Variants in ABL2 observed in about 807,000 individuals in gnomAD.
The protein encoded by ABL2 is tyrosine-protein kinase ABL2.
A neutral mutation model predicts 107.7 loss-of-function variants in ABL2; 49 were observed. That is an observed-to-expected ratio of 0.45 (90% CI 0.36 to 0.58). ABL2 has a LOEUF of 0.58. Ranked by LOEUF, ABL2 falls within the 20% of genes least tolerant of loss-of-function variation. The probability of loss-of-function intolerance (pLI) is 0.00; values close to 1 mark genes in which losing one functional copy is unlikely to be tolerated. For synonymous variants in ABL2, 549 were observed against 548.6 expected (o/e 1.00, Z -0.01); for missense variants, 1,245 against 1,457.0 (o/e 0.85, Z 2.37).
intron 1 of ABL2, chr1:179,201,999 G>A (rs548262992): frequency 3.0e-5 from 27 of 887,394 alleles, no homozygotes; most frequent in South Asian, 4.4e-5. Context: ...AGAGGAGAGG[G>A]AAGGGAGCCA....
Position 179,146,069 on chromosome 1 carries a change from A to AT in ABL2, c.158-12696dup, listed in dbSNP as rs1305366214. Among the ~76,000 whole-genome samples the AT allele has an allele frequency of 3.3e-5, 5 of 152,060 alleles. No individual in the cohort carries two copies. In the East Asian group the frequency reaches 9.7e-4, roughly 29 times the overall value. ...ACCACCATGCCTGGCTAATTTTTGTATTTTTAGTAGAGATGGGGTTTTGCC... is the reference window on the plus strand; with the variant it reads ...ACCACCATGCCTGGCTAATTTTTGTATTTTTTAGTAGAGATGGGGTTTTGCC... On this transcript the variant is annotated intron_variant, in intron 1 of 11. Transcript: ENST00000502732.
At chr1:179,196,982 T>C (rs958053583) in intron 1 of ABL2, among the ~76,000 whole-genome samples, 1 of 152,174 alleles carries the variant, frequency 6.6e-6, no homozygotes, top group Non-Finnish European at 1.5e-5. Context: ...CAGCTAAAGA[T>C]GACTGTGAAT....
At chr1:179,229,205 C>CCCCCCCCCCCCCCCCCCA in intron 1 of ABL2, 36 bp downstream of exon 1, 2 of 1,461,772 alleles carry the variant, frequency 1.4e-6, no homozygotes, top group East Asian at 2.8e-5. Context: ...CCCCGGCCTC[C>CCCCCCCCCCCCCCCCCCA]CCCACGCTCT....
intron 10 of ABL2, chr1:179,110,788 G>T (rs1473932792): frequency 4.3e-6 from 7 of 1,613,822 alleles, no homozygotes; most frequent in Non-Finnish European, 5.9e-6. Context: ...GCATCATCCT[G>T]CTCTGTGTCT....
rs189941383 is a variant in ABL2, at chr1:179,182,116, C to G, written c.157+47125G>C. ...CCAGCCTATCTTCAAACTATCTTTT[C>G]ACTGTTTCTCACCCTGTGAAGTCCT... On this transcript the variant is annotated intron_variant, in intron 1 of 11. Coordinates refer to ENST00000502732, the MANE Select transcript of ABL2 (RefSeq NM_007314.4). Among the ~76,000 whole-genome samples, 714 of 151,914 alleles carry G rather than the reference C, an allele frequency of 4.7e-3. 5 individuals are homozygous for G. The highest frequency in any genetic ancestry group is 0.016 in the African/African-American group (674 of 41,444).
In ABL2 at chr1:179,100,322, T is replaced by G. The variant is rs1367106319; in HGVS notation, c.*7396A>C. ...TGGCGTTCTTGCCACTCACAATACC[T>G]GGTATGGTACTTCTGAACTGTGCAG... On this transcript the variant is annotated 3_prime_UTR_variant, in exon 12 of 12. Coordinates refer to ENST00000502732, the MANE Select transcript of ABL2 (RefSeq NM_007314.4). 4.4e-6 allele frequency: 1 copy of G among 228,094 alleles called. No homozygotes were observed. The highest frequency in any genetic ancestry group is 8.7e-6 in the Non-Finnish European group (1 of 114,892). 14.1% of individuals were successfully genotyped at this position (228,094 alleles called of 1,614,324 possible).
intron 5 of ABL2, among the ~76,000 whole-genome samples, chr1:179,121,018 A>G (rs995488334): frequency 1.1e-4 from 6 of 56,282 alleles, no homozygotes; most frequent in African/African-American, 4.9e-4. Flanking sequence ...AGAACTGACT[A>G]CTACTTAATA....
chr1:179,160,708 T>C (rs1659010215), intron 1 of ABL2, among the ~76,000 whole-genome samples: 1 of 152,204 alleles, frequency 6.6e-6, no homozygotes, highest in African/African-American at 2.4e-5. Context: ...GTACCATATA[T>C]GACAATTCAT....
chr1:179,195,673 TA>T (rs1237865816), intron 1 of ABL2, among the ~76,000 whole-genome samples: 1 of 152,112 alleles, frequency 6.6e-6, no homozygotes, highest in African/African-American at 2.4e-5. Context: ...ATGGGCTACA[TA>T]CACACCATTA....
Position 179,109,162 on chromosome 1 carries a change from G to A in ABL2, c.2105C>T (p.Ser702Phe), listed in dbSNP as rs1321779506. Residue 702 changes from serine to phenylalanine, a missense_variant, in exon 12 of 12, where the codon TCT becomes TTT. Physicochemically the swap from Ser to Phe is radical, Grantham distance 155. Transcript: ENST00000502732. ...CGCCTCTTGCTGGGCAGGAGTGAAA[G>A]AGAACCCATCAGCATGCTGTAGAGA... ...VASLQHADGFSFTPAQQEANL... is the reference protein window; with the variant it reads ...VASLQHADGFFFTPAQQEANL... 1 of 1,613,490 alleles carries A rather than the reference G, an allele frequency of 6.2e-7. No homozygotes were observed. The highest frequency in any genetic ancestry group is 8.5e-7 in the Non-Finnish European group (1 of 1,179,976).
Position 179,154,034 on chromosome 1 carries a change from T to TA in ABL2, c.158-20661_158-20660insT, listed in dbSNP as rs200874365. Among the ~76,000 whole-genome samples the TA allele has an allele frequency of 1.4e-4, 22 of 152,308 alleles. No individual in the cohort carries two copies. In the East Asian group the frequency reaches 3.9e-3, roughly 27 times the overall value. ...CCTCTTTCTTCCCTAATTCACTCTA[T>TA]GAGTATATCCTATGAATCATACCTC... On this transcript the variant is annotated intron_variant, in intron 1 of 11. Coordinates refer to ENST00000502732, the MANE Select transcript of ABL2 (RefSeq NM_007314.4).
chr1:179,149,415 C>T (rs1368180939), intron 1 of ABL2, among the ~76,000 whole-genome samples: 1 of 152,232 alleles, frequency 6.6e-6, no homozygotes, highest in East Asian at 1.9e-4. Context: ...GATTTAGAAG[C>T]TGCAGCAAGT....
Position 179,105,244 on chromosome 1 carries a change from A to G in ABL2, c.*2474T>C, listed in dbSNP as rs371286289. On this transcript the variant is annotated 3_prime_UTR_variant, in exon 12 of 12. Coordinates refer to ENST00000502732, the MANE Select transcript of ABL2 (RefSeq NM_007314.4). ...GTTGGGCAAGAAAACCAGGGAGCCT[A>G]AATACACTCAGTAGTGTTTCTCCAA... 12 of 231,206 alleles carry G rather than the reference A, an allele frequency of 5.2e-5. No homozygotes were observed. Among genetic ancestry groups the G allele is most frequent in the African/African-American group, 2.4e-4 (11 of 45,340 alleles). The allele number at this position is 231,206 out of a possible 1,614,324, so 14.3% of individuals were successfully genotyped here.
At chr1:179,123,383 C>T (rs1164667056) in intron 4 of ABL2, among the ~76,000 whole-genome samples, 2 of 151,990 alleles carry the variant, frequency 1.3e-5, no homozygotes, top group South Asian at 2.1e-4. Context: ...TGCGTGCCTG[C>T]AGTCCCAGCT....
At chr1:179,224,848 T>A (rs1412076746) in intron 1 of ABL2, among the ~76,000 whole-genome samples, 1 of 138,882 alleles carries the variant, frequency 7.2e-6, no homozygotes. Flanking sequence ...GACCTCCGTC[T>A]CTACAAAAAA....
rs1408623221 is a variant in ABL2 at position 179,229,324 on chromosome 1, C to T, written c.74G>A (p.Ser25Asn). 1.9e-6 allele frequency: 3 copies of T among 1,585,144 alleles called. No individual in the cohort carries two copies. The South Asian group carries it at 3.4e-5, about 18-fold the overall frequency. Residue 25 changes from serine (S) to asparagine (N), a missense_variant, in exon 1 of 12, where the codon AGC becomes AAC. Physicochemically the swap from Ser to Asn is conservative, Grantham distance 46 (BLOSUM62 1). Transcript: ENST00000502732. ...QQPQPRGIRG[S>N]SAARPSGRRR... The stretch of plus-strand genomic sequence containing the variant: ...GCGGCCGGAGGGCCTGGCTGCACTG[C>T]TGCCCCGGATCCCGCGGGGCTGAGG...
chr1:179,161,627 C>T (rs974832403), intron 1 of ABL2, among the ~76,000 whole-genome samples: 4 of 152,176 alleles, frequency 2.6e-5, no homozygotes, highest in African/African-American at 9.7e-5. Context: ...AGGAGGATTG[C>T]TTCAGGCTGA....
chr1:179,105,176 CCT>C lies in ABL2; in HGVS notation c.*2540_*2541del, dbSNP rs1455629007. ...GTAGGCAAGACAGCTAGGTGCTGCC[CCT>C]GAGTAAGACACAGCCCCCACCCCCT... On this transcript the variant is annotated 3_prime_UTR_variant, in exon 12 of 12. Transcript: ENST00000502732. 4.3e-6 allele frequency: 1 copy of C among 230,586 alleles called. No individual in the cohort carries two copies. The highest frequency in any genetic ancestry group is 8.6e-6 in the Non-Finnish European group (1 of 116,498). 14.3% of individuals were successfully genotyped at this position (230,586 alleles called of 1,614,324 possible). A position where few individuals can be genotyped will look rare whatever the true frequency, so the allele number is the denominator to read the frequency against.
At chr1:179,132,540 T>C (rs905493459) in intron 2 of ABL2, among the ~76,000 whole-genome samples, 11 of 151,216 alleles carry the variant, frequency 7.3e-5, no homozygotes, top group Admixed American at 6.6e-4. Flanking sequence ...TTATTATTAT[T>C]ATCATTATTA....
Sources: allele counts gnomAD v4.1 joint callset (sites outside exome capture counted in the v4.1 genomes callset), GRCh38; gene constraint gnomAD v4.1.1; transcripts MANE v1.5; gene names NCBI Gene and HGNC (gene_info 2026-07-23, HGNC 2026-07-21).